Variants in RORA observed in about 807,000 individuals in gnomAD.
RORA encodes the protein nuclear receptor ROR-alpha.
In RORA, 7 loss-of-function variants were observed where a neutral mutation model predicts 69.5. That is an observed-to-expected ratio of 0.10 (90% CI 0.06 to 0.19). The LOEUF (loss-of-function observed/expected upper bound fraction) is 0.19, where lower values mean the gene tolerates loss of function less well. Ranked by LOEUF, RORA falls within the 10% of genes least tolerant of loss-of-function variation. The pLI is 1.00. For synonymous variants in RORA, 261 were observed against 240.8 expected, an observed-to-expected ratio of 1.08 and a Z score of -0.78; for missense variants, 457 against 663.0, an observed-to-expected ratio of 0.69 and a Z score of 3.41.
At chr15:60,778,086 G>A (rs958889386) in intron 1 of RORA, among the ~76,000 whole-genome samples, 1 of 152,160 alleles carries the variant, frequency 6.6e-6, no homozygotes, top group African/African-American at 2.4e-5. Flanking sequence ...ACACAACTGC[G>A]CAGGCTTGGT....
intron 2 of RORA, among the ~76,000 whole-genome samples, chr15:60,572,857 G>A (rs1488989840): frequency 6.6e-6 from 1 of 152,188 alleles, no homozygotes; most frequent in African/African-American, 2.4e-5. Flanking sequence ...TTGGGCATGA[G>A]TCCTGACTAA....
intron 1 of RORA, among the ~76,000 whole-genome samples, chr15:60,777,961 C>T (rs16943102): frequency 0.03 from 4,633 of 152,266 alleles, 244 homozygotes; most frequent in African/African-American, 0.11. Context: ...CCTTGAATAT[C>T]GAACCCAGAA....
chr15:61,072,941 C>A (rs1269467523), intron 1 of RORA, among the ~76,000 whole-genome samples: 1 of 152,182 alleles, frequency 6.6e-6, no homozygotes, highest in Non-Finnish European at 1.5e-5. Context: ...TGTTTGCATT[C>A]CAATGGAGTT....
At chr15:61,023,589 C>T (rs182197311) in intron 1 of RORA, among the ~76,000 whole-genome samples, 1 of 152,250 alleles carries the variant, frequency 6.6e-6, no homozygotes, top group Admixed American at 6.5e-5. Context: ...TCAGCTTTTG[C>T]AGGGTTATGG....
At chr15:61,085,435 C>T (rs2078608799) in intron 1 of RORA, among the ~76,000 whole-genome samples, 1 of 152,208 alleles carries the variant, frequency 6.6e-6, no homozygotes, top group East Asian at 1.9e-4. Flanking sequence ...ATGAATCAAG[C>T]GGTACTTCTC....
intron 1 of RORA, among the ~76,000 whole-genome samples, chr15:60,884,861 A>G (rs1023315597): frequency 2.0e-5 from 3 of 152,204 alleles, no homozygotes; most frequent in East Asian, 1.9e-4. Context: ...TGAGTGTCTC[A>G]TTGTTTTTGA....
intron 1 of RORA, among the ~76,000 whole-genome samples, chr15:61,060,173 A>T (rs2078162818): frequency 6.6e-6 from 1 of 152,202 alleles, no homozygotes; most frequent in Admixed American, 6.5e-5. Flanking sequence ...CAAACCCAGG[A>T]AATGAATAGA....
chr15:61,130,265 T>C (rs115080007), intron 1 of RORA, among the ~76,000 whole-genome samples: 45 of 152,340 alleles, frequency 3.0e-4, no homozygotes, highest in African/African-American at 1.0e-3. Context: ...ATGAGATAAA[T>C]GTACACATCT....
rs189095724 is a variant in RORA at position 60,824,651 on chromosome 15, C to T, written c.167-145965G>A. 7.9e-5 allele frequency among the ~76,000 whole-genome samples: 12 copies of T among 152,316 alleles called. 1 individual carries two copies. The East Asian group carries it at 2.1e-3, about 27-fold the overall frequency. ...CCTTCCTTTGTCTCAGTTTCCCCAT[C>T]TATAAAATGGGGCTAATAATAATTC... is the stretch of plus-strand genomic sequence containing the variant. On this transcript the variant is annotated intron_variant, in intron 1 of 10. Coordinates refer to ENST00000335670, the MANE Select transcript of RORA (RefSeq NM_134261.3).
chr15:60,871,054 T>G (rs2073549593), intron 1 of RORA, among the ~76,000 whole-genome samples: 1 of 152,254 alleles, frequency 6.6e-6, no homozygotes, highest in Admixed American at 6.5e-5. Flanking sequence ...CTCTTTTCTC[T>G]AAAGTGAGAA....
intron 1 of RORA, among the ~76,000 whole-genome samples, chr15:61,085,133 C>A (rs1475602737): frequency 6.6e-6 from 1 of 151,942 alleles, no homozygotes; most frequent in Non-Finnish European, 1.5e-5. Context: ...GGCTTTTAAA[C>A]AGAGAGAGAG....
chr15:60,784,296 G>A (rs1297856730), intron 1 of RORA, among the ~76,000 whole-genome samples: 2 of 152,056 alleles, frequency 1.3e-5, no homozygotes, highest in Non-Finnish European at 2.9e-5. Context: ...CCCTGTATTG[G>A]CCTCCCCAAA....
Position 61,161,200 on chromosome 15 carries a change from T to C in RORA, c.166+67853A>G, listed in dbSNP as rs2079492926. On this transcript the variant is annotated intron_variant, in intron 1 of 10. Transcript: ENST00000335670. The stretch of plus-strand genomic sequence containing the variant: ...TGTGGATCCCATATGAAGTCTCAAC[T>C]CCATGGTCCCCCAAGCAGTGGGAAC... 2.0e-5 allele frequency among the ~76,000 whole-genome samples: 3 copies of C among 152,156 alleles called. No homozygotes were observed. In the South Asian group the frequency reaches 6.2e-4, roughly 32 times the overall value.
rs144009958 is a variant in RORA at position 60,614,259 on chromosome 15, C to T, written c.196+64398G>A. ...CTTAATGGAGTACTTTCCTCCTAAT[C>T]GCACAGAGGAAATGCAAGCATTGGC... On this transcript the variant is annotated intron_variant, in intron 2 of 10. Transcript: ENST00000335670. Among the ~76,000 whole-genome samples the T allele has an allele frequency of 1.8e-3, 280 of 152,198 alleles. 2 individuals carry two copies. In the Middle Eastern group the frequency reaches 0.031, roughly 17 times the overall value.
At chr15:60,652,110 C>CTT (rs796682420) in intron 2 of RORA, among the ~76,000 whole-genome samples, 1 of 144,866 alleles carries the variant, frequency 6.9e-6, no homozygotes, top group Non-Finnish European at 1.5e-5. Flanking sequence ...AGCAGACTGC[C>CTT]TTTTTTTTTT....
intron 1 of RORA, among the ~76,000 whole-genome samples, chr15:61,222,615 A>G (rs144572008): frequency 1.4e-3 from 218 of 152,350 alleles, no homozygotes; most frequent in Non-Finnish European, 2.6e-3. Context: ...AGGACTCCCA[A>G]GCTGAATTTC....
intron 1 of RORA, among the ~76,000 whole-genome samples, chr15:60,758,078 C>T (rs982079954): frequency 1.3e-5 from 2 of 152,172 alleles, no homozygotes; most frequent in Admixed American, 6.5e-5. Flanking sequence ...TTTCTTTGAC[C>T]TATATGTCAA....
intron 1 of RORA, among the ~76,000 whole-genome samples, chr15:60,943,090 C>T (rs1489888295): frequency 6.6e-6 from 1 of 152,328 alleles, no homozygotes; most frequent in East Asian, 1.9e-4. Flanking sequence ...TCCATCTTTG[C>T]TGGCATCATG....
At chr15:60,812,750 T>C (rs187002233) in intron 1 of RORA, among the ~76,000 whole-genome samples, 150 of 152,298 alleles carry the variant, frequency 9.8e-4, no homozygotes, top group Admixed American at 2.2e-3. Flanking sequence ...CAACTGTAAA[T>C]TCAGCACCTA....
Sources: gnomAD v4.1 joint callset for allele counts (sites outside exome capture counted in the v4.1 genomes callset) on GRCh38, gnomAD v4.1.1 for gene constraint, MANE v1.5 for transcripts, NCBI Gene and HGNC (gene_info 2026-07-23, HGNC 2026-07-21) for gene names.